Variants in CADM4 observed in about 807,000 individuals in gnomAD.
The protein encoded by CADM4 is cell adhesion molecule 4.
A neutral mutation model predicts 43.9 loss-of-function variants in CADM4; 13 were observed. That is an observed-to-expected ratio of 0.30 (90% confidence interval 0.19 to 0.47). The LOEUF is 0.47. Among genes scored for constraint, CADM4 ranks in the 20% least tolerant of loss-of-function variants. CADM4 has a pLI of 1.00. For missense variants in CADM4, 420 were observed against 527.0 expected, an observed-to-expected ratio of 0.80 and a Z score of 1.99; for synonymous variants, 209 against 220.9, an observed-to-expected ratio of 0.95 and a Z score of 0.48.
chr19:43,627,612 T>C lies in CADM4; in HGVS notation c.211+32A>G, dbSNP rs1455525771. 4 of 1,596,784 alleles carry C rather than the reference T, an allele frequency of 2.5e-6. No homozygotes were observed. Among genetic ancestry groups the C allele is most frequent in the Non-Finnish European group, 2.6e-6 (3 of 1,166,362 alleles). ...CCTGGGCCCCAGCCCTCTCTTCCTT[T>C]AAGACTCCTGAGTCTGGTCCCCAGC... On this transcript the variant is annotated intron_variant, in intron 2 of 8. Coordinates refer to ENST00000222374, the MANE Select transcript of CADM4 (RefSeq NM_145296.2). The surrounding 1 kb of genome is among the most constrained non-coding windows in gnomAD (Gnocchi z 4.0).
At chr19:43,633,094 G>C (rs917279733) in intron 1 of CADM4, among the ~76,000 whole-genome samples, 2 of 147,088 alleles carry the variant, frequency 1.4e-5, no homozygotes, top group African/African-American at 5.0e-5. Context: ...AAAAAAAAGA[G>C]ACAGGGTATT....
Position 43,625,028 on chromosome 19 carries a change from G to A in CADM4, c.928+50C>T, listed in dbSNP as rs945997110. 7 of 334,170 alleles carry A rather than the reference G, an allele frequency of 2.1e-5. No homozygotes were observed. The highest frequency in any genetic ancestry group is 2.9e-5 in the Non-Finnish European group (7 of 239,708). 20.7% of individuals were successfully genotyped at this position (334,170 alleles called of 1,614,324 possible). A position where few individuals can be genotyped will look rare whatever the true frequency, so the allele number is the denominator to read the frequency against. ...GCCTCTTTGCTCAAGCCCCGCCCCC[G>A]CCACCTGGCGCCCCGCCCCCGCCCT... On this transcript the variant is annotated intron_variant, in intron 7 of 8. Transcript: ENST00000222374. This position sits in a 1 kb window ranked among gnomAD's most constrained non-coding sequence, Gnocchi z 4.5.
chr19:43,627,261 C>A lies in CADM4; in HGVS notation c.269G>T (p.Arg90Leu). The change falls in exon 3 of 9, where the codon CGG becomes CTG. Residue 90 changes from arginine (R) to leucine (L), a missense_variant. By Grantham distance (102) the Arg-to-Leu change is moderately radical (BLOSUM62 -2). Coordinates refer to ENST00000222374, the MANE Select transcript of CADM4 (RefSeq NM_145296.2). This position sits in a 1 kb window ranked among gnomAD's most constrained non-coding sequence, Gnocchi z 4.0. ...EEFSPRRVRI[R>L]LSDARLEDEG... The stretch of plus-strand genomic sequence containing the variant: ...GTCCTCCAGGCGGGCATCTGAGAGC[C>A]GGATCCGCACCCGGCGTGGGGAGAA... The A allele has an allele frequency of 6.2e-7, 1 of 1,612,342 alleles. No individual in the cohort carries two copies. The highest frequency in any genetic ancestry group is 8.5e-7 in the Non-Finnish European group (1 of 1,179,098).
In CADM4 at chr19:43,626,017, AAGAGG is replaced by A. The variant is rs371558725; in HGVS notation, c.665-21_665-17del. ...GTGGGGGAGTCTGTTAGGCAAAAGT[AAGAGG>A]AGAGAGTAGTTTCCAAGCCATCACG... On this transcript the variant is annotated splice_polypyrimidine_tract_variant and intron_variant, in intron 5 of 8. Coordinates refer to ENST00000222374, the MANE Select transcript of CADM4 (RefSeq NM_145296.2). The surrounding 1 kb of genome is among the most constrained non-coding windows in gnomAD (Gnocchi z 5.9). The A allele has an allele frequency of 3.1e-6, 5 of 1,614,100 alleles. No individual in the cohort carries two copies. The highest frequency in any genetic ancestry group is 2.7e-5 in the African/African-American group (2 of 75,044).
chr19:43,623,495 T>G lies in CADM4; in HGVS notation c.1058-56A>C. ...GGGACATATTTGTGGATCCAGGAGT[T>G]GGACAGAAGTATAAGGGAAGAGGGA... On this transcript the variant is annotated intron_variant, in intron 8 of 8. Coordinates refer to ENST00000222374, the MANE Select transcript of CADM4 (RefSeq NM_145296.2). The surrounding 1 kb of genome is among the most constrained non-coding windows in gnomAD (Gnocchi z 4.4). 4 of 1,082,914 alleles carry G rather than the reference T, an allele frequency of 3.7e-6. No individual in the cohort carries two copies. The highest frequency in any genetic ancestry group is 4.3e-6 in the Non-Finnish European group (3 of 697,076). 67.1% of individuals were successfully genotyped at this position (1,082,914 alleles called of 1,614,324 possible). A position where few individuals can be genotyped will look rare whatever the true frequency, so the allele number is the denominator to read the frequency against.
In CADM4 at chr19:43,623,541, G is replaced by A; in HGVS notation, c.1058-102C>T. 2 of 780,518 alleles carry A rather than the reference G, an allele frequency of 2.6e-6. No homozygotes were observed. Among genetic ancestry groups the A allele is most frequent in the Admixed American group, 1.8e-5 (1 of 56,448 alleles). The allele number at this position is 780,518 out of a possible 1,614,324, so 48.3% of individuals were successfully genotyped here. ...AGGGAGACAGACAAGACACATGCCA[G>A]GCGAAGGAAGAGGGAGAAACGGAAC... On this transcript the variant is annotated intron_variant, in intron 8 of 8. Coordinates refer to ENST00000222374, the MANE Select transcript of CADM4 (RefSeq NM_145296.2). The surrounding 1 kb of genome is among the most constrained non-coding windows in gnomAD (Gnocchi z 4.4).
Position 43,625,863 on chromosome 19 carries a change from G to A in CADM4, c.755+48C>T, listed in dbSNP as rs760445312. The A allele has an allele frequency of 7.9e-6, 12 of 1,518,094 alleles. No individual in the cohort carries two copies. In the Admixed American group the frequency reaches 2.0e-4, roughly 26 times the overall value. The allele number at this position is 1,518,094 out of a possible 1,614,324, so 94.0% of individuals were successfully genotyped here. ...AAGTCCCTGGTCCCTGTTCTTCCAG[G>A]TCCCCAGCTTTCTCCTCCTGAGGAC... On this transcript the variant is annotated intron_variant, in intron 6 of 8. Coordinates refer to ENST00000222374, the MANE Select transcript of CADM4 (RefSeq NM_145296.2). This position sits in a 1 kb window ranked among gnomAD's most constrained non-coding sequence, Gnocchi z 4.5.
intron 1 of CADM4, among the ~76,000 whole-genome samples, chr19:43,637,586 A>C (rs990959578): frequency 6.6e-6 from 1 of 152,168 alleles, no homozygotes; most frequent in Non-Finnish European, 1.5e-5. Context: ...CTTTAGAGAA[A>C]GTTTACAGAG....
Position 43,627,809 on chromosome 19 carries a change from A to T in CADM4, c.65-19T>A. On this transcript the variant is annotated intron_variant, in intron 1 of 8. Transcript: ENST00000222374. The surrounding 1 kb of genome is among the most constrained non-coding windows in gnomAD (Gnocchi z 4.0). ...CCTGCCCCTGGACGATTAGACAAAG[A>T]GACAGGATAGAAGACTTACTGAGAG... 1 of 1,595,824 alleles carries T rather than the reference A, an allele frequency of 6.3e-7. No individual in the cohort carries two copies. The highest frequency in any genetic ancestry group is 8.6e-7 in the Non-Finnish European group (1 of 1,167,108).
Position 43,626,955 on chromosome 19 carries a change from G to C in CADM4, c.365-37C>G. On this transcript the variant is annotated intron_variant, in intron 3 of 8. Coordinates refer to ENST00000222374, the MANE Select transcript of CADM4 (RefSeq NM_145296.2). This position sits in a 1 kb window ranked among gnomAD's most constrained non-coding sequence, Gnocchi z 5.9. ...AGAAGGGAAGTAAGGGGTTAAAGAA[G>C]GCACGAACGTGGGCTCAAAGCGATC... 1 of 1,544,198 alleles carries C rather than the reference G, an allele frequency of 6.5e-7. No individual in the cohort carries two copies. Among genetic ancestry groups the C allele is most frequent in the Non-Finnish European group, 8.7e-7 (1 of 1,144,078 alleles).
At position 43,639,757 on chromosome 19, in the gene CADM4, G is replaced by A. The variant is rs1973749864; in HGVS notation, c.34C>T (p.Leu12=). 3.9e-6 allele frequency: 4 copies of A among 1,027,380 alleles called. No homozygotes were observed. The highest frequency in any genetic ancestry group is 4.7e-6 in the Non-Finnish European group (4 of 854,934). The allele number at this position is 1,027,380 out of a possible 1,614,324, so 63.6% of individuals were successfully genotyped here. ...GRARRFQWPL[L]LLWAAAAGPG... ...CCCGCCGCGGCCGCCCACAGCAGCA[G>A]CAGCGGCCACTGGAAGCGCCGGGCC... is the stretch of plus-strand genomic sequence containing the variant. The change falls in exon 1 of 9, where the codon CTG becomes TTG. Residue 12 remains leucine (L), a synonymous_variant. Transcript: ENST00000222374.
intron 1 of CADM4, among the ~76,000 whole-genome samples, chr19:43,630,834 T>A (rs538170921): frequency 4.6e-5 from 7 of 152,294 alleles, no homozygotes; most frequent in African/African-American, 1.4e-4. Context: ...GTGAAGGTTT[T>A]GAAGCAGGAA....
rs1973540954 is a variant in CADM4 at position 43,627,091 on chromosome 19, C to T, written c.364+75G>A. On this transcript the variant is annotated intron_variant, in intron 3 of 8. Coordinates refer to ENST00000222374, the MANE Select transcript of CADM4 (RefSeq NM_145296.2). The surrounding 1 kb of genome is among the most constrained non-coding windows in gnomAD (Gnocchi z 4.0). Reference sequence around the variant, plus strand: ...CCAGGATGTTAAAAATAGCCATGGTCTGAAAGTCTCAGGAGAAGAGAGAAG... The same window carrying T: ...CCAGGATGTTAAAAATAGCCATGGTTTGAAAGTCTCAGGAGAAGAGAGAAG... 1 of 1,508,002 alleles carries T rather than the reference C, an allele frequency of 6.6e-7. No homozygotes were observed. The highest frequency in any genetic ancestry group is 8.9e-7 in the Non-Finnish European group (1 of 1,122,922). 93.4% of individuals were successfully genotyped at this position (1,508,002 alleles called of 1,614,324 possible).
chr19:43,625,078 C>G lies in CADM4; in HGVS notation c.928G>C (p.Asp310His). Residue 310 changes from aspartate (D) to histidine (H), a missense_variant and splice_region_variant, in exon 7 of 9, where the codon GAC becomes CAC. Transcript: ENST00000222374. This position sits in a 1 kb window ranked among gnomAD's most constrained non-coding sequence, Gnocchi z 4.5. ...ARALYVLVVY[D>H]PGAVVEAQTS... The stretch of plus-strand genomic sequence containing the variant: ...TCAGTCGGCCGCAGCCTGCTCTCAC[C>G]GTAGACCACAAGTACGTAGAGCGCC... 6.2e-7 allele frequency: 1 copy of G among 1,602,022 alleles called. No individual in the cohort carries two copies. The highest frequency in any genetic ancestry group is 8.5e-7 in the Non-Finnish European group (1 of 1,174,700).
upstream of CADM4, among the ~76,000 whole-genome samples, chr19:43,640,544 G>T (rs929159090): frequency 6.6e-6 from 1 of 151,914 alleles, no homozygotes; most frequent in African/African-American, 2.4e-5. Flanking sequence ...TGAAAACCCC[G>T]TGTTTCCGCG....
Position 43,623,994 on chromosome 19 carries a change from G to T in CADM4, c.1057+120C>A. ...CCCCTTTGTCATCTCCGCCCCCGGTGCGGCGGGATTTGGAATCCAGAGCCT... is the reference window on the plus strand; with the variant it reads ...CCCCTTTGTCATCTCCGCCCCCGGTTCGGCGGGATTTGGAATCCAGAGCCT... On this transcript the variant is annotated intron_variant, in intron 8 of 8. Coordinates refer to ENST00000222374, the MANE Select transcript of CADM4 (RefSeq NM_145296.2). The surrounding 1 kb of genome is among the most constrained non-coding windows in gnomAD (Gnocchi z 4.4). 1 of 1,271,314 alleles carries T rather than the reference G, an allele frequency of 7.9e-7. No homozygotes were observed. 78.8% of individuals were successfully genotyped at this position (1,271,314 alleles called of 1,614,324 possible). A position where few individuals can be genotyped will look rare whatever the true frequency, so the allele number is the denominator to read the frequency against.
intron 1 of CADM4, among the ~76,000 whole-genome samples, chr19:43,634,084 C>T (rs1973667418): frequency 6.6e-6 from 1 of 152,100 alleles, no homozygotes; most frequent in South Asian, 2.1e-4. Flanking sequence ...AACCACTTGC[C>T]ATCTGTGTGA....
At chr19:43,630,064 C>T (rs1287697693) in intron 1 of CADM4, among the ~76,000 whole-genome samples, 6 of 151,810 alleles carry the variant, frequency 4.0e-5, no homozygotes, top group Non-Finnish European at 8.8e-5. Flanking sequence ...CAACATCACA[C>T]CTGGCTAACT....
At chr19:43,629,071 C>T (rs1413361182) in intron 1 of CADM4, among the ~76,000 whole-genome samples, 4 of 152,238 alleles carry the variant, frequency 2.6e-5, no homozygotes, top group African/African-American at 9.6e-5. Flanking sequence ...TTAGGCTATA[C>T]TTCCCAGCAT....
Sources: gnomAD v4.1 joint callset for allele counts (sites outside exome capture counted in the v4.1 genomes callset) on GRCh38, gnomAD v4.1.1 for gene constraint, Gnocchi (gnomAD v3.1) non-coding constraint, MANE v1.5 for transcripts, NCBI Gene and HGNC (gene_info 2026-07-23, HGNC 2026-07-21) for gene names.